The following RBAK variants were observed in gnomAD, a reference collection of about 807,000 sequenced individuals.
RBAK encodes RB associated KRAB zinc finger, also known as RB-associated KRAB zinc finger protein.
RBAK carries 39 observed loss-of-function variants against 65.8 expected under a neutral mutation model. The observed-to-expected ratio is 0.59, with a 90% CI of 0.46 to 0.77. The LOEUF (loss-of-function observed/expected upper bound fraction) is 0.77, where lower values mean the gene tolerates loss of function less well. Among genes scored for constraint, RBAK ranks in the 30% least tolerant of loss-of-function variants. The probability of loss-of-function intolerance (pLI) is 0.00; values close to 1 mark genes in which losing one functional copy is unlikely to be tolerated. For synonymous variants in RBAK, 343 were observed against 289.7 expected, an observed-to-expected ratio of 1.18 and a Z score of -1.87; for missense variants, 884 against 855.1, an observed-to-expected ratio of 1.03 and a Z score of -0.42.
chr7:5,056,949 T>C (rs1778932449), intron 2 of RBAK: 1 of 152,290 alleles, frequency 6.6e-6, no homozygotes, highest in African/African-American at 2.4e-5. Context: ...TTTTAGGTTG[T>C]TCACTTTGGG....
Position 5,048,285 on chromosome 7 carries a change from G to C in RBAK, c.15+194G>C, listed in dbSNP as rs1311020981. Reference sequence around the variant, plus strand: ...CCTCCTGGGTTCAAGCGATTCTCCTGCCTCAGCCTCCCGAGTAGCTGGGAT... The same window carrying C: ...CCTCCTGGGTTCAAGCGATTCTCCTCCCTCAGCCTCCCGAGTAGCTGGGAT... On this transcript the variant is annotated intron_variant, in intron 2 of 4. Transcript: ENST00000396912. This position sits in a 1 kb window ranked among gnomAD's most constrained non-coding sequence, Gnocchi z 4.4. Among the ~76,000 whole-genome samples, 1 of 151,698 alleles carries C rather than the reference G, an allele frequency of 6.6e-6. No individual in the cohort carries two copies. The highest frequency in any genetic ancestry group is 1.5e-5 in the Non-Finnish European group (1 of 67,966).
chr7:5,061,536 C>G (rs113520340), intron 4 of RBAK, among the ~76,000 whole-genome samples: 1 of 150,138 alleles, frequency 6.7e-6, no homozygotes, highest in African/African-American at 2.5e-5. Flanking sequence ...GGCGATCCAT[C>G]CACCTTGGCC....
chr7:5,046,462 C>T (rs1787987062), intron 1 of RBAK, 66 bp downstream of exon 1: 1 of 467,288 alleles, frequency 2.1e-6, no homozygotes, highest in Non-Finnish European at 4.2e-6. Flanking sequence ...TGTTGGGGAC[C>T]TTAGAGTGTG....
rs181547194 is a variant in RBAK at position 5,057,598 on chromosome 7, C to T, written c.143-86C>T. 56 of 1,593,612 alleles carry T rather than the reference C, an allele frequency of 3.5e-5. No homozygotes were observed. The African/African-American group carries it at 6.1e-4, about 17-fold the overall frequency. On this transcript the variant is annotated intron_variant, in intron 3 of 4. Transcript: ENST00000396912. The stretch of plus-strand genomic sequence containing the variant: ...TAAAAAATGGAGCACTTCTGTTATG[C>T]AGCTTATGAGGTGGCAACATCTTGT...
rs1787968795 is a variant in RBAK at position 5,046,041 on chromosome 7, G to A, written c.-400G>A. 28 of 277,616 alleles carry A rather than the reference G, an allele frequency of 1.0e-4. No individual in the cohort carries two copies. Among genetic ancestry groups the A allele is most frequent in the South Asian group, 8.2e-4 (28 of 34,246 alleles). The allele number at this position is 277,616 out of a possible 1,614,324, so 17.2% of individuals were successfully genotyped here. A position where few individuals can be genotyped will look rare whatever the true frequency, so the allele number is the denominator to read the frequency against. ...GCGGGCCGGGTGGAGGCTTGAGCGG[G>A]GACCCCCGAGCTTGAGCCCCGGAGC... On this transcript the variant is annotated 5_prime_UTR_variant, in exon 1 of 5. Coordinates refer to ENST00000396912, the MANE Select transcript of RBAK (RefSeq NM_021163.4).
At position 5,065,824 on chromosome 7, in the gene RBAK, T is replaced by C. The variant is rs545512064; in HGVS notation, c.*223T>C. The C allele has an allele frequency of 2.3e-5, 8 of 354,942 alleles. No individual in the cohort carries two copies. The South Asian group carries it at 1.0e-3, about 46-fold the overall frequency. The allele number at this position is 354,942 out of a possible 1,614,324, so 22.0% of individuals were successfully genotyped here. ...ACGACTCATCGGACACTAATTTATA[T>C]AGGAGTGAAGTTTTATAAATATTTA... On this transcript the variant is annotated 3_prime_UTR_variant, in exon 5 of 5. Coordinates refer to ENST00000396912, the MANE Select transcript of RBAK (RefSeq NM_021163.4). The surrounding 1 kb of genome is among the most constrained non-coding windows in gnomAD (Gnocchi z 5.3).
chr7:5,063,476 A>AGTGTGTGT (rs1779127737), intron 4 of RBAK, among the ~76,000 whole-genome samples: 2 of 71,738 alleles, frequency 2.8e-5, no homozygotes, highest in African/African-American at 1.1e-4. Flanking sequence ...TAATTCTTTC[A>AGTGTGTGT]CTGTGTGTGT....
Position 5,065,674 on chromosome 7 carries a change from T to A in RBAK, c.*73T>A. 1 of 1,162,226 alleles carries A rather than the reference T, an allele frequency of 8.6e-7. No individual in the cohort carries two copies. Among genetic ancestry groups the A allele is most frequent in the Non-Finnish European group, 1.2e-6 (1 of 854,712 alleles). The allele number at this position is 1,162,226 out of a possible 1,614,324, so 72.0% of individuals were successfully genotyped here. The stretch of plus-strand genomic sequence containing the variant: ...GGAATCCAATAGGAAGTCAAAGCGT[T>A]TATCTGAGAGTTCGTGTTCCTGAAC... On this transcript the variant is annotated 3_prime_UTR_variant, in exon 5 of 5. Coordinates refer to ENST00000396912, the MANE Select transcript of RBAK (RefSeq NM_021163.4). This position sits in a 1 kb window ranked among gnomAD's most constrained non-coding sequence, Gnocchi z 5.3.
rs1562542220 is a variant in RBAK at position 5,065,814 on chromosome 7, C to CT, written c.*214dup. The CT allele has an allele frequency of 2.7e-6, 1 of 376,728 alleles. No homozygotes were observed. Among genetic ancestry groups the CT allele is most frequent in the Admixed American group, 4.2e-5 (1 of 24,084 alleles). 23.3% of individuals were successfully genotyped at this position (376,728 alleles called of 1,614,324 possible). A position where few individuals can be genotyped will look rare whatever the true frequency, so the allele number is the denominator to read the frequency against. ...GCAAGATCATACGACTCATCGGACACTAATTTATATAGGAGTGAAGTTTTA... is the reference window on the plus strand; with the variant it reads ...GCAAGATCATACGACTCATCGGACACTTAATTTATATAGGAGTGAAGTTTTA... On this transcript the variant is annotated 3_prime_UTR_variant, in exon 5 of 5. Transcript: ENST00000396912. The surrounding 1 kb of genome is among the most constrained non-coding windows in gnomAD (Gnocchi z 5.3).
At chr7:5,052,594 T>C (rs1788139937) in intron 2 of RBAK, among the ~76,000 whole-genome samples, 1 of 152,240 alleles carries the variant, frequency 6.6e-6, no homozygotes, top group Non-Finnish European at 1.5e-5. Flanking sequence ...TTAAGTGATA[T>C]ACCATTTTTC....
Position 5,057,914 on chromosome 7 carries a change from C to T in RBAK, c.238+135C>T, listed in dbSNP as rs180963739. Reference sequence around the variant, plus strand: ...CAAATATCACTTTCCTTCCCGCACACATACATGAACTCTTTTGTTGATTTT... The same window carrying T: ...CAAATATCACTTTCCTTCCCGCACATATACATGAACTCTTTTGTTGATTTT... On this transcript the variant is annotated intron_variant, in intron 4 of 4. Coordinates refer to ENST00000396912, the MANE Select transcript of RBAK (RefSeq NM_021163.4). 4.6e-4 allele frequency: 381 copies of T among 833,402 alleles called. 2 individuals are homozygous for T. In the African/African-American group the frequency reaches 5.9e-3, roughly 13 times the overall value. 51.6% of individuals were successfully genotyped at this position (833,402 alleles called of 1,614,324 possible). A position where few individuals can be genotyped will look rare whatever the true frequency, so the allele number is the denominator to read the frequency against.
chr7:5,057,769 A>T lies in RBAK; in HGVS notation c.228A>T (p.Gln76His), dbSNP rs369245518. 1.9e-6 allele frequency: 3 copies of T among 1,613,918 alleles called. No individual in the cohort carries two copies. The highest frequency in any genetic ancestry group is 1.7e-5 in the Admixed American group (1 of 60,014). ...PWIMGGEFPC[Q>H]HSPEAWRVDD... ...TAATGGGAGGTGAATTTCCATGTCA[A>T]CATAGTCCAGGTAAGTTAGTAGCGT... Residue 76 changes from glutamine (Q) to histidine (H), a missense_variant, in exon 4 of 5, where the codon CAA (glutamine) becomes CAT (histidine). Transcript: ENST00000396912.
In RBAK at chr7:5,065,185, T is replaced by C. The variant is rs781530374; in HGVS notation, c.1729T>C (p.Ser577Pro). 11 of 1,613,490 alleles carry C rather than the reference T, an allele frequency of 6.8e-6. No homozygotes were observed. The highest frequency in any genetic ancestry group is 8.5e-6 in the Non-Finnish European group (10 of 1,179,826). ...YGCSECGKTF[S>P]HNSSLFRHQR... is the part of the protein sequence containing the mutation. Reference sequence around the variant, plus strand: ...ATGTAGCGAATGTGGGAAAACCTTTTCCCATAATTCATCCCTCTTCAGACA... The same window carrying C: ...ATGTAGCGAATGTGGGAAAACCTTTCCCCATAATTCATCCCTCTTCAGACA... Residue 577 changes from serine to proline, a missense_variant, in exon 5 of 5, where the codon TCC becomes CCC. By Grantham distance (74) the Ser-to-Pro change is moderately conservative. Transcript: ENST00000396912. This position sits in a 1 kb window ranked among gnomAD's most constrained non-coding sequence, Gnocchi z 5.3.
chr7:5,059,467 G>A (rs576206186), intron 4 of RBAK, among the ~76,000 whole-genome samples: 25 of 151,460 alleles, frequency 1.7e-4, no homozygotes, highest in Non-Finnish European at 3.2e-4. Flanking sequence ...GATTACAGGC[G>A]CACGCCACCA....
intron 2 of RBAK, among the ~76,000 whole-genome samples, chr7:5,053,991 T>C (rs73332942): frequency 0.045 from 6,836 of 152,260 alleles, 538 homozygotes; most frequent in African/African-American, 0.16. Flanking sequence ...CTCACATCTG[T>C]CTCTGTTCTT....
chr7:5,065,049 A>C lies in RBAK; in HGVS notation c.1593A>C (p.Pro531=), dbSNP rs148394535. The change falls in exon 5 of 5, where the codon CCA becomes CCC. Residue 531 remains proline (P), a synonymous_variant. Coordinates refer to ENST00000396912, the MANE Select transcript of RBAK (RefSeq NM_021163.4). The surrounding 1 kb of genome is among the most constrained non-coding windows in gnomAD (Gnocchi z 5.3). ...LVNSAFDGHQ[P]LPKGEKSYEC... ...ATTCAGCCTTCGATGGGCACCAGCC[A>C]CTTCCAAAAGGGGAGAAATCCTATG... is the stretch of plus-strand genomic sequence containing the variant. 3.7e-6 allele frequency: 6 copies of C among 1,613,808 alleles called. No homozygotes were observed. In the African/African-American group the frequency reaches 8.0e-5, roughly 22 times the overall value.
Position 5,065,569 on chromosome 7 carries a change from A to G in RBAK, c.2113A>G (p.Asn705Asp), listed in dbSNP as rs1779198213. Residue 705 changes from asparagine to aspartate, a missense_variant, in exon 5 of 5, where the codon AAT becomes GAT. By Grantham distance (23) the Asn-to-Asp change is conservative. Transcript: ENST00000396912. The surrounding 1 kb of genome is among the most constrained non-coding windows in gnomAD (Gnocchi z 5.3). ...CCATCAGAGAATTCATAGAAGAGGA[A>G]ATATGAACGTACTTGATGTGGAAAA... ...NSHQRIHRRGNMNVLDVENL is the reference protein window; with the variant it reads ...NSHQRIHRRGDMNVLDVENL 1.9e-6 allele frequency: 3 copies of G among 1,544,936 alleles called. No individual in the cohort carries two copies. The highest frequency in any genetic ancestry group is 2.1e-5 in the Admixed American group (1 of 47,184).
rs1291291490 is a variant in RBAK at position 5,048,454 on chromosome 7, A to G, written c.15+363A>G. ...CTCCCAAAGTGCTGGGATTACAGGC[A>G]TGAGCCACCGCGCCCAGCCAGGATT... On this transcript the variant is annotated intron_variant, in intron 2 of 4. Coordinates refer to ENST00000396912, the MANE Select transcript of RBAK (RefSeq NM_021163.4). The surrounding 1 kb of genome is among the most constrained non-coding windows in gnomAD (Gnocchi z 4.4). 6.6e-6 allele frequency among the ~76,000 whole-genome samples: 1 copy of G among 152,200 alleles called. No individual in the cohort carries two copies. Among genetic ancestry groups the G allele is most frequent in the African/African-American group, 2.4e-5 (1 of 41,458 alleles).
At position 5,067,682 on chromosome 7, in the gene RBAK, G is replaced by T. The variant is rs971166775; in HGVS notation, c.*2081G>T. ...TTGAAATTTCTAAATATCAAGACCT[G>T]TTATAAAGCCATAGAAATAATGAAG... is the stretch of plus-strand genomic sequence containing the variant. On this transcript the variant is annotated 3_prime_UTR_variant, in exon 5 of 5. Coordinates refer to ENST00000396912, the MANE Select transcript of RBAK (RefSeq NM_021163.4). The T allele has an allele frequency of 2.0e-5, 3 of 152,192 alleles. No individual in the cohort carries two copies. The highest frequency in any genetic ancestry group is 4.4e-5 in the Non-Finnish European group (3 of 68,022). The allele number at this position is 152,192 out of a possible 1,614,324, so 9.4% of individuals were successfully genotyped here.
Sources: allele counts gnomAD v4.1 joint callset (sites outside exome capture counted in the v4.1 genomes callset), GRCh38; gene constraint gnomAD v4.1.1; non-coding constraint Gnocchi (gnomAD v3.1); transcripts MANE v1.5; gene names NCBI Gene and HGNC (gene_info 2026-07-23, HGNC 2026-07-21).